NAA16: variants seen among roughly 807,000 people sequenced by gnomAD.
The protein encoded by NAA16 is NARG1-like protein.
Under a neutral mutation model 110.3 loss-of-function variants are expected in NAA16, and 97 were observed. The observed-to-expected ratio is 0.88, with a 90% CI of 0.75 to 1.04. The LOEUF is 1.04. Among genes scored for constraint, NAA16 ranks in the 50% least tolerant of loss-of-function variants. The probability of loss-of-function intolerance (pLI) is 0.00; values close to 1 mark genes in which losing one functional copy is unlikely to be tolerated. For synonymous variants in NAA16, 372 were observed against 330.6 expected (o/e 1.13, Z -1.36); for missense variants, 1,017 against 1,005.1 (o/e 1.01, Z -0.16).
chr13:41,340,942 C>T (rs1251319665), intron 9 of NAA16, among the ~76,000 whole-genome samples: 3 of 152,178 alleles, frequency 2.0e-5, no homozygotes, highest in Non-Finnish European at 4.4e-5. Context: ...GCTGGGATTA[C>T]AGGCGTGAGC....
rs1275854770 is a variant in NAA16, at chr13:41,367,579, A to T, written c.1680A>T (p.Ser560=). ...CCTTTTATTTCAAGGCTGCTAGATC[A>T]GCGATTGAAATATACTTGAAATTGT... The part of the protein sequence containing the change: ...RHAFYFKAAR[S]AIEIYLKLYD... Residue 560 remains serine, a synonymous_variant, in exon 14 of 20, where the codon TCA becomes TCT. Coordinates refer to ENST00000379406, the MANE Select transcript of NAA16 (RefSeq NM_024561.5). 1.2e-6 allele frequency: 2 copies of T among 1,613,360 alleles called. No individual in the cohort carries two copies. The highest frequency in any genetic ancestry group is 2.2e-5 in the East Asian group (1 of 44,784).
intron 16 of NAA16, 166 bp from the exon 17 acceptor site, chr13:41,372,566 T>C (rs1276224011): frequency 1.0e-6 from 1 of 985,268 alleles, no homozygotes; most frequent in African/African-American, 1.7e-5. Flanking sequence ...AGCTTTTCTT[T>C]AGAAAGCCAT....
At position 41,376,119 on chromosome 13, in the gene NAA16, T is replaced by G. The variant is rs1321735329; in HGVS notation, c.*517T>G. 6.6e-6 allele frequency: 1 copy of G among 152,448 alleles called. No individual in the cohort carries two copies. Among genetic ancestry groups the G allele is most frequent in the Non-Finnish European group, 1.5e-5 (1 of 68,240 alleles). The allele number at this position is 152,448 out of a possible 1,614,324, so 9.4% of individuals were successfully genotyped here. ...AGCCTGGCCAACATGGTGAAACCCC[T>G]TCTCTACTGAAAATACAAAAATTAG... On this transcript the variant is annotated 3_prime_UTR_variant, in exon 20 of 20. Transcript: ENST00000379406.
At chr13:41,322,173 A>C (rs2041963443) in intron 4 of NAA16, among the ~76,000 whole-genome samples, 1 of 152,156 alleles carries the variant, frequency 6.6e-6, no homozygotes, top group Non-Finnish European at 1.5e-5. Context: ...GCTTGAGCCC[A>C]GGAGTTTAGT....
intron 9 of NAA16, 41 bp from the exon 10 acceptor site, chr13:41,355,103 A>T: frequency 8.0e-7 from 1 of 1,244,164 alleles, no homozygotes; most frequent in Non-Finnish European, 1.1e-6. Context: ...AATACCTTCA[A>T]GAAGATATTT....
intron 2 of NAA16, among the ~76,000 whole-genome samples, chr13:41,318,151 C>G (rs1048507559): frequency 2.6e-5 from 4 of 151,242 alleles, no homozygotes; most frequent in African/African-American, 9.7e-5. Flanking sequence ...TAGGTAAGAG[C>G]TGTGGAACTG....
chr13:41,367,938 C>CTTT (rs2043239505), intron 14 of NAA16, among the ~76,000 whole-genome samples: 1 of 152,092 alleles, frequency 6.6e-6, no homozygotes, highest in African/African-American at 2.4e-5. Context: ...TGGTTCACGC[C>CTTT]TGTAATCACA....
At position 41,320,809 on chromosome 13, in the gene NAA16, C is replaced by A. The variant is rs2041926183; in HGVS notation, c.387C>A (p.Asp129Glu). The A allele has an allele frequency of 1.9e-6, 3 of 1,603,266 alleles. No homozygotes were observed. The highest frequency in any genetic ancestry group is 1.7e-4 in the Middle Eastern group (1 of 5,718). The stretch of plus-strand genomic sequence containing the variant: ...CACTGTTGCAGATCCAAATGAGAGA[C>A]CTTGAAGGTTACCGAGTAAGTACTT... ...DLSLLQIQMR[D>E]LEGYRETRYQ... The change falls in exon 4 of 20, where the codon GAC (aspartate) becomes GAA (glutamate). Residue 129 changes from aspartate to glutamate, a missense_variant. Coordinates refer to ENST00000379406, the MANE Select transcript of NAA16 (RefSeq NM_024561.5).
chr13:41,332,891 A>G (rs1000104628), intron 8 of NAA16, among the ~76,000 whole-genome samples: 4 of 152,216 alleles, frequency 2.6e-5, no homozygotes, highest in East Asian at 1.9e-4. Context: ...TTGCATTTCA[A>G]TTCCACATAT....
rs749927473 is a variant in NAA16 at position 41,375,472 on chromosome 13, A to G, written c.2465A>G (p.Glu822Gly). 46 of 1,613,834 alleles carry G rather than the reference A, an allele frequency of 2.9e-5. No homozygotes were observed. Among genetic ancestry groups the G allele is most frequent in the Non-Finnish European group, 3.6e-5 (42 of 1,179,860 alleles). The part of the protein sequence containing the change: ...SFGNCSSQYE[E>G]YRMACHNLLP... ...GGGAACTGTAGTTCCCAATATGAAG[A>G]ATATAGGATGGCCTGTCATAACCTG... is the stretch of plus-strand genomic sequence containing the variant. Residue 822 changes from glutamate to glycine, a missense_variant, in exon 20 of 20, where the codon GAA (glutamate) becomes GGA (glycine). By Grantham distance (98) the Glu-to-Gly change is moderately conservative (BLOSUM62 -2). Coordinates refer to ENST00000379406, the MANE Select transcript of NAA16 (RefSeq NM_024561.5).
intron 10 of NAA16, among the ~76,000 whole-genome samples, chr13:41,355,757 C>T (rs995374497): frequency 9.2e-5 from 14 of 152,086 alleles, no homozygotes; most frequent in African/African-American, 2.9e-4. Flanking sequence ...AGGAAACATA[C>T]TTGAGAGGTT....
At chr13:41,363,830 CAT>C (rs1474096104) in intron 13 of NAA16, among the ~76,000 whole-genome samples, 2 of 152,008 alleles carry the variant, frequency 1.3e-5, no homozygotes, top group Non-Finnish European at 1.5e-5. Flanking sequence ...GAAGTAGAAA[CAT>C]AAACAAGAAA....
Position 41,358,144 on chromosome 13 carries a change from T to G in NAA16, c.1088-160T>G, listed in dbSNP as rs190165054. On this transcript the variant is annotated intron_variant, in intron 10 of 19. Coordinates refer to ENST00000379406, the MANE Select transcript of NAA16 (RefSeq NM_024561.5). ...CTACATGGCTGCCACTTTTTGAACT[T>G]TATGAAGTCATACCTCTTTCTTTTG... 9.2e-5 allele frequency among the ~76,000 whole-genome samples: 14 copies of G among 152,348 alleles called. No homozygotes were observed. The East Asian group carries it at 1.9e-3, about 21-fold the overall frequency.
chr13:41,371,407 C>G (rs566618356), intron 15 of NAA16, among the ~76,000 whole-genome samples: 10 of 152,234 alleles, frequency 6.6e-5, no homozygotes, highest in African/African-American at 2.2e-4. Flanking sequence ...ATTGTACTTA[C>G]ATAAAGTTAG....
chr13:41,365,581 T>C (rs1047006743), intron 13 of NAA16, among the ~76,000 whole-genome samples: 1 of 152,238 alleles, frequency 6.6e-6, no homozygotes, highest in Non-Finnish European at 1.5e-5. Flanking sequence ...AGCCATATTC[T>C]GTCTATCACC....
At chr13:41,353,796 CA>C (rs1566284074) in intron 9 of NAA16, among the ~76,000 whole-genome samples, 2,238 of 149,130 alleles carry the variant, frequency 0.015, 49 homozygotes, top group African/African-American at 0.052. Context: ...CACACACACA[CA>C]CACACCCCAA....
chr13:41,341,363 A>G (rs1040323970), intron 9 of NAA16, among the ~76,000 whole-genome samples: 6 of 152,192 alleles, frequency 3.9e-5, no homozygotes, highest in Non-Finnish European at 7.3e-5. Flanking sequence ...TATAGGTAAT[A>G]ACCAACTTTA....
intron 9 of NAA16, among the ~76,000 whole-genome samples, chr13:41,343,914 T>G (rs1299634277): frequency 2.0e-5 from 3 of 152,200 alleles, no homozygotes; most frequent in Non-Finnish European, 2.9e-5. Flanking sequence ...TCGAGAGATT[T>G]GCCTGCCTTG....
At chr13:41,372,454 TTAGG>T in intron 16 of NAA16, 143 bp downstream of exon 16, 1 of 1,347,236 alleles carries the variant, frequency 7.4e-7, no homozygotes, top group Non-Finnish European at 9.5e-7. Flanking sequence ...TACTCGAAAC[TTAGG>T]TGGGTAATAA....
Sources: allele counts gnomAD v4.1 joint callset (sites outside exome capture counted in the v4.1 genomes callset), GRCh38; gene constraint gnomAD v4.1.1; transcripts MANE v1.5; gene names NCBI Gene and HGNC (gene_info 2026-07-23, HGNC 2026-07-21).